The following CNTNAP2 variants were observed in gnomAD, a reference collection of about 807,000 sequenced individuals.
CNTNAP2 encodes the protein contactin associated protein 2.
Under a neutral mutation model 155.2 loss-of-function variants are expected in CNTNAP2, and 98 were observed. That is an observed-to-expected ratio of 0.63 (90% CI 0.54 to 0.75). The LOEUF (loss-of-function observed/expected upper bound fraction) is 0.75, where lower values mean the gene tolerates loss of function less well. Among genes scored for constraint, CNTNAP2 ranks in the 30% least tolerant of loss-of-function variants. The pLI is 0.00. For synonymous variants in CNTNAP2, 651 were observed against 631.2 expected (o/e 1.03, Z -0.47); for missense variants, 1,727 against 1,688.1 (o/e 1.02, Z -0.40).
chr7:146,206,865 A>T (rs900779287), intron 1 of CNTNAP2, among the ~76,000 whole-genome samples: 2 of 151,990 alleles, frequency 1.3e-5, no homozygotes, highest in African/African-American at 4.8e-5. Context: ...CATTTCTCTC[A>T]AATCACCAAA....
At chr7:148,269,658 G>A (rs1547597) in intron 21 of CNTNAP2, among the ~76,000 whole-genome samples, 115,502 of 152,188 alleles carry the variant, frequency 0.76, 43,979 homozygotes, top group South Asian at 0.87. Flanking sequence ...ACTCTTAAGT[G>A]GGTCAAACAA....
At chr7:147,450,409 C>T (rs1407489791) in intron 10 of CNTNAP2, among the ~76,000 whole-genome samples, 1 of 152,122 alleles carries the variant, frequency 6.6e-6, no homozygotes, top group African/African-American at 2.4e-5. Context: ...AGTTTTTCCC[C>T]AGTGCCTTCA....
At chr7:146,293,382 C>T (rs1201840560) in intron 1 of CNTNAP2, among the ~76,000 whole-genome samples, 1 of 152,022 alleles carries the variant, frequency 6.6e-6, no homozygotes, top group African/African-American at 2.4e-5. Context: ...ATTAGAAAAT[C>T]GCTCTGTATA....
At chr7:148,004,868 A>G (rs1585072982) in intron 15 of CNTNAP2, among the ~76,000 whole-genome samples, 2 of 152,216 alleles carry the variant, frequency 1.3e-5, no homozygotes, top group East Asian at 3.9e-4. Flanking sequence ...AGAATGTTCA[A>G]TAATCAAGCA....
rs528498115 is a variant in CNTNAP2, at chr7:147,276,262, C to CTATTG, written c.1349-23879_1349-23878insTATTG. ...GGAATAGTTTCAATAGGATCGATAC[C>CTATTG]AGCTCATCTTCATTCATCTGGTAAA... On this transcript the variant is annotated intron_variant, in intron 8 of 23. Coordinates refer to ENST00000361727, the MANE Select transcript of CNTNAP2 (RefSeq NM_014141.6). Among the ~76,000 whole-genome samples, 1,353 of 151,730 alleles carry CTATTG rather than the reference C, an allele frequency of 8.9e-3. 18 individuals carry two copies. The highest frequency in any genetic ancestry group is 0.031 in the African/African-American group (1,263 of 41,358).
At chr7:146,719,537 T>A (rs1801249005) in intron 1 of CNTNAP2, among the ~76,000 whole-genome samples, 1 of 152,154 alleles carries the variant, frequency 6.6e-6, no homozygotes, top group Non-Finnish European at 1.5e-5. Flanking sequence ...CTTCAGCAAT[T>A]ACTTTTGCTT....
At chr7:148,014,934 G>A (rs1802148041) in intron 15 of CNTNAP2, among the ~76,000 whole-genome samples, 1 of 152,150 alleles carries the variant, frequency 6.6e-6, no homozygotes, top group Non-Finnish European at 1.5e-5. Flanking sequence ...AGAAAATTAG[G>A]GAAGGTTTTA....
intron 10 of CNTNAP2, among the ~76,000 whole-genome samples, chr7:147,432,454 G>A (rs565982465): frequency 2.6e-5 from 4 of 152,162 alleles, no homozygotes; most frequent in Non-Finnish European, 5.9e-5. Flanking sequence ...TAGTTCAGTT[G>A]TATGCCCAAA....
At chr7:146,310,023 G>A (rs1343831539) in intron 1 of CNTNAP2, among the ~76,000 whole-genome samples, 1 of 152,106 alleles carries the variant, frequency 6.6e-6, no homozygotes, top group African/African-American at 2.4e-5. Flanking sequence ...TAATGACTGT[G>A]CAAATTGCTT....
At chr7:147,811,983 G>A (rs754331522) in intron 13 of CNTNAP2, among the ~76,000 whole-genome samples, 2 of 152,146 alleles carry the variant, frequency 1.3e-5, no homozygotes, top group Admixed American at 6.6e-5. Context: ...GTATAGAGTA[G>A]ATTAGAAGGA....
intron 1 of CNTNAP2, among the ~76,000 whole-genome samples, chr7:146,215,637 C>T (rs1457155940): frequency 6.6e-6 from 1 of 151,462 alleles, no homozygotes; most frequent in Non-Finnish European, 1.5e-5. Flanking sequence ...TATTTTTTTA[C>T]TTGCCTTTGG....
chr7:147,092,589 T>A (rs1215083754), intron 4 of CNTNAP2, among the ~76,000 whole-genome samples: 3 of 152,180 alleles, frequency 2.0e-5, no homozygotes, highest in Non-Finnish European at 4.4e-5. Context: ...ATAAAATATT[T>A]GTTTTTATGT....
At position 146,120,635 on chromosome 7, in the gene CNTNAP2, G is replaced by C. The variant is rs1394053966; in HGVS notation, c.97+3662G>C. 2.6e-5 allele frequency among the ~76,000 whole-genome samples: 4 copies of C among 152,094 alleles called. No individual in the cohort carries two copies. In the South Asian group the frequency reaches 8.3e-4, roughly 31 times the overall value. ...ACATTTCAGTTCAATGATGGACCAC[G>C]TGTATGTTGGTGGTTCCATAAAATT... On this transcript the variant is annotated intron_variant, in intron 1 of 23. Coordinates refer to ENST00000361727, the MANE Select transcript of CNTNAP2 (RefSeq NM_014141.6).
intron 20 of CNTNAP2, among the ~76,000 whole-genome samples, chr7:148,244,482 G>A (rs1471438397): frequency 2.0e-5 from 3 of 151,184 alleles, no homozygotes; most frequent in Admixed American, 6.6e-5. Flanking sequence ...AATATGTTTT[G>A]GATTATATTT....
At chr7:146,353,295 T>C (rs1322497085) in intron 1 of CNTNAP2, among the ~76,000 whole-genome samples, 1 of 152,202 alleles carries the variant, frequency 6.6e-6, no homozygotes. Flanking sequence ...ATGGCCGAAC[T>C]ATTTGCATCC....
At chr7:146,769,818 G>C (rs1802261382) in intron 1 of CNTNAP2, among the ~76,000 whole-genome samples, 1 of 152,112 alleles carries the variant, frequency 6.6e-6, no homozygotes, top group Admixed American at 6.6e-5. Context: ...AAAGCCATCA[G>C]AGACAATACA....
intron 1 of CNTNAP2, among the ~76,000 whole-genome samples, chr7:146,446,938 G>T (rs944302354): frequency 1.3e-5 from 2 of 151,798 alleles, no homozygotes; most frequent in Admixed American, 6.6e-5. Flanking sequence ...AGACTTTTTA[G>T]GTATTCAAAA....
At chr7:146,475,463 A>T (rs1206449002) in intron 1 of CNTNAP2, among the ~76,000 whole-genome samples, 2 of 152,176 alleles carry the variant, frequency 1.3e-5, no homozygotes, top group Non-Finnish European at 2.9e-5. Flanking sequence ...AGGCAGAAAA[A>T]AATATAGAGT....
chr7:147,352,627 A>G (rs1479846), intron 9 of CNTNAP2, among the ~76,000 whole-genome samples: 119,959 of 151,900 alleles, frequency 0.79, 48,087 homozygotes, highest in African/African-American at 0.93. Flanking sequence ...CATTCAAAGA[A>G]CTTCATTGAT....
Sources: gnomAD v4.1 joint callset for allele counts (sites outside exome capture counted in the v4.1 genomes callset) on GRCh38, gnomAD v4.1.1 for gene constraint, MANE v1.5 for transcripts, NCBI Gene and HGNC (gene_info 2026-07-23, HGNC 2026-07-21) for gene names.